Variants in GRHL2 observed in about 807,000 individuals in gnomAD.
GRHL2 encodes the protein grainyhead-like protein 2 homolog.
A neutral mutation model predicts 83.8 loss-of-function variants in GRHL2; 21 were observed. The observed-to-expected ratio is 0.25, with a 90% CI of 0.18 to 0.36. The LOEUF (loss-of-function observed/expected upper bound fraction) is 0.36. Among genes scored for constraint, GRHL2 ranks in the 10% least tolerant of loss-of-function variants. The pLI is 1.00. For missense variants in GRHL2, 623 were observed against 781.8 expected, an observed-to-expected ratio of 0.80 and a Z score of 2.42; for synonymous variants, 280 against 278.9, an observed-to-expected ratio of 1.00 and a Z score of -0.04.
At chr8:101,498,044 A>G (rs2129959926) in intron 1 of GRHL2, among the ~76,000 whole-genome samples, 1 of 152,296 alleles carries the variant, frequency 6.6e-6, no homozygotes, top group Non-Finnish European at 1.5e-5. Flanking sequence ...GGCCTGCCAA[A>G]GGTCTAGCTA....
At chr8:101,651,370 A>C (rs1813618626) in intron 14 of GRHL2, among the ~76,000 whole-genome samples, 1 of 152,222 alleles carries the variant, frequency 6.6e-6, no homozygotes, top group Admixed American at 6.5e-5. Flanking sequence ...TAGATCAGGG[A>C]AGGGAGGAAG....
intron 5 of GRHL2, among the ~76,000 whole-genome samples, chr8:101,572,558 C>T (rs1811848036): frequency 6.6e-6 from 1 of 152,086 alleles, no homozygotes; most frequent in African/African-American, 2.4e-5. Context: ...CCCAGCCTTC[C>T]AACGACTATG....
intron 2 of GRHL2, 57 bp downstream of exon 2, chr8:101,543,493 G>A (rs1418827609): frequency 6.6e-7 from 1 of 1,505,332 alleles, no homozygotes; most frequent in East Asian, 2.3e-5. Flanking sequence ...CCCTTTGCTG[G>A]TGGGAAGAAG....
intron 11 of GRHL2, among the ~76,000 whole-genome samples, chr8:101,635,623 T>C (rs2130408908): frequency 6.6e-6 from 1 of 152,350 alleles, no homozygotes; most frequent in East Asian, 1.9e-4. Flanking sequence ...TGGGTTACTC[T>C]ATATTCATTA....
Position 101,667,324 on chromosome 8 carries a change from G to A in GRHL2, c.*621G>A, listed in dbSNP as rs1165944736. On this transcript the variant is annotated 3_prime_UTR_variant, in exon 16 of 16. Coordinates refer to ENST00000646743, the MANE Select transcript of GRHL2 (RefSeq NM_024915.4). Reference sequence around the variant, plus strand: ...GTGTAATTAGTAACACAGAAAGTCTGCCTGTCTGCATTGTACATAGTGTTT... The same window carrying A: ...GTGTAATTAGTAACACAGAAAGTCTACCTGTCTGCATTGTACATAGTGTTT... 5.8e-6 allele frequency: 1 copy of A among 171,582 alleles called. No individual in the cohort carries two copies. Among genetic ancestry groups the A allele is most frequent in the Non-Finnish European group, 1.3e-5 (1 of 77,964 alleles). 10.6% of individuals were successfully genotyped at this position (171,582 alleles called of 1,614,324 possible).
chr8:101,642,799 A>G (rs1813428589), intron 12 of GRHL2, among the ~76,000 whole-genome samples: 1 of 152,208 alleles, frequency 6.6e-6, no homozygotes. Context: ...TGCTCCCTCA[A>G]AGGTGCTTCT....
intron 2 of GRHL2, chr8:101,544,149 G>A (rs1038886498): frequency 6.6e-6 from 1 of 152,216 alleles, no homozygotes; most frequent in Non-Finnish European, 1.5e-5. Context: ...CATATCAGTG[G>A]CTGTACCATA....
intron 3 of GRHL2, among the ~76,000 whole-genome samples, chr8:101,557,868 G>A (rs563303166): frequency 1.3e-5 from 2 of 151,934 alleles, no homozygotes; most frequent in East Asian, 1.9e-4. Flanking sequence ...TTTAGGGTTA[G>A]GTTTTGTTTT....
intron 1 of GRHL2, among the ~76,000 whole-genome samples, chr8:101,516,011 G>A (rs1233547364): frequency 1.3e-5 from 2 of 152,190 alleles, no homozygotes; most frequent in Non-Finnish European, 2.9e-5. Context: ...GGGCTGACAG[G>A]CAGCAGAGAT....
In GRHL2 at chr8:101,599,140, G is replaced by C; in HGVS notation, c.1087G>C (p.Glu363Gln). 1 of 1,603,888 alleles carries C rather than the reference G, an allele frequency of 6.2e-7. No individual in the cohort carries two copies. Among genetic ancestry groups the C allele is most frequent in the Non-Finnish European group, 8.5e-7 (1 of 1,170,706 alleles). The stretch of plus-strand genomic sequence containing the variant: ...TGTTTCCTTTACCTGGGACGTGAAT[G>C]AAGAGGCGAAGGTGAGTGACATTGA... Reference protein sequence around the residue: ...NAVSFTWDVNEEAKIFITVNC... With the variant: ...NAVSFTWDVNQEAKIFITVNC... The change falls in exon 8 of 16, where the codon GAA becomes CAA. Residue 363 changes from glutamate (E) to glutamine (Q), a missense_variant. By Grantham distance (29) the Glu-to-Gln change is conservative. Coordinates refer to ENST00000646743, the MANE Select transcript of GRHL2 (RefSeq NM_024915.4).
chr8:101,598,662 C>T (rs1312505057), intron 7 of GRHL2, among the ~76,000 whole-genome samples: 2 of 134,968 alleles, frequency 1.5e-5, no homozygotes, highest in Non-Finnish European at 3.1e-5. Flanking sequence ...TTCTGTTCTA[C>T]AAAAAATTCC....
chr8:101,492,954 G>T, intron 1 of GRHL2, 165 bp downstream of exon 1: 1 of 699,392 alleles, frequency 1.4e-6, no homozygotes, highest in Non-Finnish European at 2.6e-6. Context: ...TTTCTACCCT[G>T]ATTAAGGGGA....
chr8:101,641,272 CTT>C (rs1376539922), intron 12 of GRHL2, among the ~76,000 whole-genome samples: 1 of 152,106 alleles, frequency 6.6e-6, no homozygotes, highest in Non-Finnish European at 1.5e-5. Context: ...ATGTGAAAGA[CTT>C]TGTGCAGATT....
At chr8:101,523,494 G>A (rs1810735653) in intron 1 of GRHL2, among the ~76,000 whole-genome samples, 1 of 150,422 alleles carries the variant, frequency 6.6e-6, no homozygotes, top group Non-Finnish European at 1.5e-5. Flanking sequence ...TTTTTTTAAG[G>A]GGGGTGGGGT....
chr8:101,625,344 A>T (rs1311599920), intron 9 of GRHL2, among the ~76,000 whole-genome samples: 1 of 152,116 alleles, frequency 6.6e-6, no homozygotes, highest in Non-Finnish European at 1.5e-5. Context: ...TTAATATAAT[A>T]AATAATAAGA....
At chr8:101,662,139 T>G (rs1813934711) in intron 14 of GRHL2, among the ~76,000 whole-genome samples, 2 of 152,256 alleles carry the variant, frequency 1.3e-5, no homozygotes, top group Non-Finnish European at 2.9e-5. Context: ...ACAAGTCTTC[T>G]GTTTTTCTTA....
Position 101,669,558 on chromosome 8 carries a change from A to AGATT in GRHL2, c.*2859_*2862dup, listed in dbSNP as rs1172855876. The AGATT allele has an allele frequency of 1.3e-5, 2 of 152,314 alleles. No homozygotes were observed. The highest frequency in any genetic ancestry group is 2.9e-5 in the Non-Finnish European group (2 of 67,976). 9.4% of individuals were successfully genotyped at this position (152,314 alleles called of 1,614,324 possible). A position where few individuals can be genotyped will look rare whatever the true frequency, so the allele number is the denominator to read the frequency against. ...GCCCTTTCTTAAAGACAAGCAAGGG[A>AGATT]GATTGATATATGTACAATTTGCTCT... On this transcript the variant is annotated 3_prime_UTR_variant, in exon 16 of 16. Transcript: ENST00000646743.
chr8:101,634,679 A>G (rs556266902), intron 11 of GRHL2, among the ~76,000 whole-genome samples: 149 of 152,292 alleles, frequency 9.8e-4, no homozygotes, highest in African/African-American at 3.5e-3. Flanking sequence ...TGTGGTTCTC[A>G]TGGCCAGTGA....
At chr8:101,663,380 G>A (rs550679715) in intron 14 of GRHL2, among the ~76,000 whole-genome samples, 16 of 152,192 alleles carry the variant, frequency 1.1e-4, no homozygotes, top group African/African-American at 1.9e-4. Flanking sequence ...TTGGGAGGCC[G>A]AGCTGGGTGG....
Sources: gnomAD v4.1 joint callset for allele counts (sites outside exome capture counted in the v4.1 genomes callset) on GRCh38, gnomAD v4.1.1 for gene constraint, MANE v1.5 for transcripts, NCBI Gene and HGNC (gene_info 2026-07-23, HGNC 2026-07-21) for gene names.